ARMC8: variants seen among roughly 807,000 people sequenced by gnomAD.
ARMC8 encodes the protein armadillo repeat-containing protein 8.
In ARMC8, 20 loss-of-function variants were observed where a neutral mutation model predicts 99.3. The observed-to-expected ratio is 0.20, with a 90% CI of 0.14 to 0.29. The LOEUF (loss-of-function observed/expected upper bound fraction) is 0.29, where lower values mean the gene tolerates loss of function less well. Among genes scored for constraint, ARMC8 ranks in the 10% least tolerant of loss-of-function variants. ARMC8 has a pLI of 1.00. For missense variants in ARMC8, 569 were observed against 809.5 expected, an observed-to-expected ratio of 0.70 and a Z score of 3.60; for synonymous variants, 263 against 278.3, an observed-to-expected ratio of 0.95 and a Z score of 0.55.
chr3:138,190,242 T>G (rs1255893229), intron 1 of ARMC8, among the ~76,000 whole-genome samples: 2 of 152,016 alleles, frequency 1.3e-5, no homozygotes, highest in East Asian at 3.8e-4. Context: ...GGCCCAAGTT[T>G]ATATTCAGCT....
At chr3:138,214,852 C>T (rs768265724) in intron 2 of ARMC8, among the ~76,000 whole-genome samples, 20 of 152,078 alleles carry the variant, frequency 1.3e-4, no homozygotes, top group Non-Finnish European at 2.2e-4. Flanking sequence ...CAAGGTTTTG[C>T]CCTGTTAGCC....
chr3:138,268,847 T>C (rs2048523104), intron 15 of ARMC8, among the ~76,000 whole-genome samples: 1 of 152,198 alleles, frequency 6.6e-6, no homozygotes, highest in Non-Finnish European at 1.5e-5. Context: ...AGAGCATTTT[T>C]TTTGTGCCAA....
chr3:138,262,598 A>T (rs781548747), intron 12 of ARMC8: 7 of 214,344 alleles, frequency 3.3e-5, no homozygotes, highest in African/African-American at 4.9e-5. Flanking sequence ...TGAGGAGATT[A>T]AAAAAAAAAA....
At chr3:138,251,558 A>G (rs1442064621) in intron 12 of ARMC8, among the ~76,000 whole-genome samples, 1 of 152,220 alleles carries the variant, frequency 6.6e-6, no homozygotes, top group East Asian at 1.9e-4. Flanking sequence ...TTCTTAAAGC[A>G]AATCCACCAA....
intron 15 of ARMC8, among the ~76,000 whole-genome samples, chr3:138,268,999 C>T (rs1323707845): frequency 6.6e-6 from 1 of 151,852 alleles, no homozygotes; most frequent in African/African-American, 2.4e-5. Flanking sequence ...AAATATTAAG[C>T]GTAAAAGGGG....
chr3:138,246,690 CT>C, intron 12 of ARMC8: 1 of 983,566 alleles, frequency 1.0e-6, no homozygotes, highest in Non-Finnish European at 1.2e-6. Flanking sequence ...CTTCTTTGTA[CT>C]TTTTTGTTAA....
At chr3:138,236,036 G>T (rs2046316520) in intron 7 of ARMC8, among the ~76,000 whole-genome samples, 1 of 152,040 alleles carries the variant, frequency 6.6e-6, no homozygotes, top group Non-Finnish European at 1.5e-5. Context: ...TTGATCTCCT[G>T]ACCTTGTGAT....
intron 17 of ARMC8, among the ~76,000 whole-genome samples, chr3:138,274,103 C>T (rs142831688): frequency 0.012 from 1,783 of 152,224 alleles, 36 homozygotes; most frequent in African/African-American, 0.039. Flanking sequence ...CAGGCGTGAG[C>T]GTACCGTACT....
intron 1 of ARMC8, among the ~76,000 whole-genome samples, 156 bp from the exon 2 acceptor site, chr3:138,209,661 A>G (rs2044585420): frequency 1.3e-5 from 2 of 152,222 alleles, no homozygotes; most frequent in Admixed American, 1.3e-4. Flanking sequence ...CTGCTTAAGT[A>G]TCCCATATCA....
chr3:138,219,880 C>G (rs957482126), intron 2 of ARMC8, among the ~76,000 whole-genome samples: 1 of 152,030 alleles, frequency 6.6e-6, no homozygotes, highest in Non-Finnish European at 1.5e-5. Flanking sequence ...TTGCTCTTGT[C>G]TGTAAAAACA....
chr3:138,246,102 T>G (rs1156767439), intron 12 of ARMC8: 2 of 985,276 alleles, frequency 2.0e-6, no homozygotes, highest in African/African-American at 3.5e-5. Flanking sequence ...TTCAGAGAAG[T>G]TCTTCAGGCC....
At chr3:138,229,323 C>T (rs2045916814) in intron 6 of ARMC8, among the ~76,000 whole-genome samples, 1 of 147,764 alleles carries the variant, frequency 6.8e-6, no homozygotes. Context: ...TACATAAGGA[C>T]CTCTCCCTCA....
chr3:138,237,047 T>C (rs2046369330), intron 7 of ARMC8, among the ~76,000 whole-genome samples: 1 of 152,252 alleles, frequency 6.6e-6, no homozygotes, highest in Non-Finnish European at 1.5e-5. Context: ...AGTGTTCTTT[T>C]AATTTTGATT....
At position 138,273,041 on chromosome 3, in the gene ARMC8, G is replaced by C; in HGVS notation, c.1554G>C (p.Arg518=). The change falls in exon 17 of 22, where the codon CGG becomes CGC. Residue 518 remains arginine, a synonymous_variant. Coordinates refer to ENST00000469044, the MANE Select transcript of ARMC8 (RefSeq NM_001363941.2). ...LRSLSTEQLF[R]LLSDSDLNVL... ...GCTTGAGTACTGAACAGCTATTCCG[G>C]TTATTATCAGATTCAGATTTGAATG... 6.2e-7 allele frequency: 1 copy of C among 1,613,392 alleles called. No individual in the cohort carries two copies. The highest frequency in any genetic ancestry group is 8.5e-7 in the Non-Finnish European group (1 of 1,179,574).
At chr3:138,193,783 G>A (rs2043531739) in intron 1 of ARMC8, among the ~76,000 whole-genome samples, 1 of 152,140 alleles carries the variant, frequency 6.6e-6, no homozygotes, top group Admixed American at 6.5e-5. Context: ...CAGAACCTTA[G>A]GTTTGGTGAA....
At chr3:138,200,075 T>C (rs1304635565) in intron 1 of ARMC8, among the ~76,000 whole-genome samples, 1 of 152,200 alleles carries the variant, frequency 6.6e-6, no homozygotes, top group Non-Finnish European at 1.5e-5. Context: ...TTGTGGCACT[T>C]TTTTGGCTAT....
In ARMC8 at chr3:138,190,727, A is replaced by G. The variant is rs187475884; in HGVS notation, c.45+3128A>G. On this transcript the variant is annotated intron_variant, in intron 1 of 21. Coordinates refer to ENST00000469044, the MANE Select transcript of ARMC8 (RefSeq NM_001363941.2). ...GTACATATGAATTTTAACTTTGTAT[A>G]TATATATTCTGTACATCTACTTTGA... Among the ~76,000 whole-genome samples, 14 of 152,298 alleles carry G rather than the reference A, an allele frequency of 9.2e-5. No individual in the cohort carries two copies. In the East Asian group the frequency reaches 1.2e-3, roughly 13 times the overall value.
At chr3:138,256,626 G>A (rs2047423984) in intron 12 of ARMC8, among the ~76,000 whole-genome samples, 1 of 151,954 alleles carries the variant, frequency 6.6e-6, no homozygotes, top group African/African-American at 2.4e-5. Context: ...TAGCCAGGAT[G>A]TTCTCGATGT....
At chr3:138,205,843 T>A (rs185963230) in intron 1 of ARMC8, among the ~76,000 whole-genome samples, 14 of 152,252 alleles carry the variant, frequency 9.2e-5, no homozygotes, top group African/African-American at 3.4e-4. Flanking sequence ...CCCTAAACCC[T>A]CTAATGGCTT....
Sources: allele counts gnomAD v4.1 joint callset (sites outside exome capture counted in the v4.1 genomes callset), GRCh38; gene constraint gnomAD v4.1.1; transcripts MANE v1.5; gene names NCBI Gene and HGNC (gene_info 2026-07-23, HGNC 2026-07-21).